The following AGPAT4 variants were observed in gnomAD, a reference collection of about 807,000 sequenced individuals.
The protein encoded by AGPAT4 is 1-acylglycerol-3-phosphate O-acyltransferase 4.
A neutral mutation model predicts 48.0 loss-of-function variants in AGPAT4; 15 were observed. The ratio of observed to expected loss-of-function variants is 0.31; its 90% CI spans 0.21 to 0.48. The LOEUF (loss-of-function observed/expected upper bound fraction) is 0.48, where lower values mean the gene tolerates loss of function less well. AGPAT4 is among the 20% of genes least tolerant of loss of function. The pLI, the probability that AGPAT4 is intolerant of heterozygous loss-of-function variation, is 0.99. For missense variants in AGPAT4, 314 were observed against 482.5 expected (o/e 0.65, Z 3.27); for synonymous variants, 178 against 198.7 (o/e 0.90, Z 0.88).
chr6:161,168,213 G>A (rs754152320), intron 2 of AGPAT4, among the ~76,000 whole-genome samples: 5 of 152,118 alleles, frequency 3.3e-5, no homozygotes, highest in South Asian at 2.1e-4. Context: ...CATGGGGCAC[G>A]AAGATGCCTG....
rs572505060 is a variant in AGPAT4, at chr6:161,269,576, T to C, written c.-90+4362A>G. Among the ~76,000 whole-genome samples, 3 of 152,098 alleles carry C rather than the reference T, an allele frequency of 2.0e-5. No homozygotes were observed. The East Asian group carries it at 5.8e-4, about 30-fold the overall frequency. On this transcript the variant is annotated intron_variant, in intron 1 of 8. Transcript: ENST00000320285. ...CAGGAGGATGCTTGAGCTTAGGAGT[T>C]AGAGGTTGCAGTGAGCCATGATGGC...
intron 3 of AGPAT4, among the ~76,000 whole-genome samples, chr6:161,162,262 G>C (rs1779956612): frequency 6.6e-6 from 1 of 152,230 alleles, no homozygotes. Flanking sequence ...CCACGCCCCT[G>C]CACACCCTAC....
In AGPAT4 at chr6:161,264,881, C is replaced by A. The variant is rs1229338595; in HGVS notation, c.-90+9057G>T. ...TCACCCAGGACTAGTTATGGGACCCCTAGAGTCCCCCAGGGCTGGGGAGCT... is the reference window on the plus strand; with the variant it reads ...TCACCCAGGACTAGTTATGGGACCCATAGAGTCCCCCAGGGCTGGGGAGCT... On this transcript the variant is annotated intron_variant, in intron 1 of 8. Transcript: ENST00000320285. This position sits in a 1 kb window ranked among gnomAD's most constrained non-coding sequence, Gnocchi z 6.8. 6.6e-6 allele frequency among the ~76,000 whole-genome samples: 1 copy of A among 152,042 alleles called. No homozygotes were observed. Among genetic ancestry groups the A allele is most frequent in the African/African-American group, 2.4e-5 (1 of 41,402 alleles).
In AGPAT4 at chr6:161,242,606, T is replaced by C. The variant is rs1428224776; in HGVS notation, c.-89-10304A>G. Among the ~76,000 whole-genome samples the C allele has an allele frequency of 6.6e-6, 1 of 152,174 alleles. No individual in the cohort carries two copies. Among genetic ancestry groups the C allele is most frequent in the Non-Finnish European group, 1.5e-5 (1 of 68,036 alleles). ...CCAACAACCGAGGGTGTATGAGCTA[T>C]TTTAAACAATGCTCAGCAGAGGCAT... On this transcript the variant is annotated intron_variant, in intron 1 of 8. Coordinates refer to ENST00000320285, the MANE Select transcript of AGPAT4 (RefSeq NM_020133.3). This position sits in a 1 kb window ranked among gnomAD's most constrained non-coding sequence, Gnocchi z 5.0.
At chr6:161,179,790 TTTC>T (rs1453137385) in intron 2 of AGPAT4, among the ~76,000 whole-genome samples, 2 of 152,228 alleles carry the variant, frequency 1.3e-5, no homozygotes, top group Non-Finnish European at 2.9e-5. Flanking sequence ...TTAATCATGT[TTTC>T]TTTTCTCTAG....
chr6:161,252,877 A>C (rs972728488), intron 1 of AGPAT4, among the ~76,000 whole-genome samples: 1 of 152,116 alleles, frequency 6.6e-6, no homozygotes, highest in African/African-American at 2.4e-5. Flanking sequence ...ACAATGAGGA[A>C]GTGTGTTTAG....
rs1012469973 is a variant in AGPAT4, at chr6:161,159,213, C to T, written c.349-4903G>A. 1.3e-5 allele frequency among the ~76,000 whole-genome samples: 2 copies of T among 152,182 alleles called. 1 individual carries two copies. Among genetic ancestry groups the T allele is most frequent in the Non-Finnish European group, 2.9e-5 (2 of 68,034 alleles). ...CACTCCAGGGTCCCCACAAGTCTCC[C>T]CATAGCACAGCCTCCATTCTGATGT... On this transcript the variant is annotated intron_variant, in intron 3 of 8. Coordinates refer to ENST00000320285, the MANE Select transcript of AGPAT4 (RefSeq NM_020133.3). This position sits in a 1 kb window ranked among gnomAD's most constrained non-coding sequence, Gnocchi z 4.1.
chr6:161,239,922 T>C (rs969642811), intron 1 of AGPAT4, among the ~76,000 whole-genome samples: 2 of 152,136 alleles, frequency 1.3e-5, no homozygotes, highest in African/African-American at 4.8e-5. Flanking sequence ...AGGACAAAAT[T>C]AACTTTCAGA....
rs142049443 is a variant in AGPAT4 at position 161,272,231 on chromosome 6, AC to A, written c.-90+1706del. ...CAGCAAACAGAACCTCACTGAAACC[AC>A]CCATTCTTCCTGCTTCCACATGGCA... On this transcript the variant is annotated intron_variant, in intron 1 of 8. Coordinates refer to ENST00000320285, the MANE Select transcript of AGPAT4 (RefSeq NM_020133.3). The surrounding 1 kb of genome is among the most constrained non-coding windows in gnomAD (Gnocchi z 4.2). 0.13 allele frequency among the ~76,000 whole-genome samples: 19,287 copies of A among 152,116 alleles called. 1,381 individuals carry two copies. Among genetic ancestry groups the A allele is most frequent in the Non-Finnish European group, 0.15 (10,132 of 67,990 alleles).
At chr6:161,179,304 T>C (rs1364429035) in intron 2 of AGPAT4, among the ~76,000 whole-genome samples, 3 of 152,162 alleles carry the variant, frequency 2.0e-5, no homozygotes, top group African/African-American at 7.2e-5. Context: ...CACCACTCTC[T>C]AAGGTTGCTG....
chr6:161,253,697 C>T (rs954825174), intron 1 of AGPAT4, among the ~76,000 whole-genome samples: 2 of 151,972 alleles, frequency 1.3e-5, no homozygotes, highest in African/African-American at 4.8e-5. Flanking sequence ...TGTTTTTATT[C>T]TTTTACTGTA....
chr6:161,159,211 C>A lies in AGPAT4; in HGVS notation c.349-4901G>T, dbSNP rs898999349. Among the ~76,000 whole-genome samples, 1 of 152,176 alleles carries A rather than the reference C, an allele frequency of 6.6e-6. No individual in the cohort carries two copies. The highest frequency in any genetic ancestry group is 1.5e-5 in the Non-Finnish European group (1 of 68,040). ...ATCACTCCAGGGTCCCCACAAGTCT[C>A]CCCATAGCACAGCCTCCATTCTGAT... On this transcript the variant is annotated intron_variant, in intron 3 of 8. Transcript: ENST00000320285. The surrounding 1 kb of genome is among the most constrained non-coding windows in gnomAD (Gnocchi z 4.1).
rs1245059847 is a variant in AGPAT4 at position 161,222,134 on chromosome 6, G to A, written c.178+9902C>T. ...CTTCCTTGTCACCCCTGGTCTCAGG[G>A]CCTCTGCCACACCCAGCCTGGAAGA... On this transcript the variant is annotated intron_variant, in intron 2 of 8. Coordinates refer to ENST00000320285, the MANE Select transcript of AGPAT4 (RefSeq NM_020133.3). This position sits in a 1 kb window ranked among gnomAD's most constrained non-coding sequence, Gnocchi z 5.9. Among the ~76,000 whole-genome samples, 1 of 152,122 alleles carries A rather than the reference G, an allele frequency of 6.6e-6. No homozygotes were observed. Among genetic ancestry groups the A allele is most frequent in the Non-Finnish European group, 1.5e-5 (1 of 68,036 alleles).
rs971612479 is a variant in AGPAT4 at position 161,270,956 on chromosome 6, G to A, written c.-90+2982C>T. Among the ~76,000 whole-genome samples, 6 of 152,164 alleles carry A rather than the reference G, an allele frequency of 3.9e-5. No individual in the cohort carries two copies. Among genetic ancestry groups the A allele is most frequent in the African/African-American group, 1.2e-4 (5 of 41,410 alleles). ...AAGATGACATTCCGGGTAAGTTCCT[G>A]GTTGCGTCTTCCCCAGTTTCATACC... is the stretch of plus-strand genomic sequence containing the variant. On this transcript the variant is annotated intron_variant, in intron 1 of 8. Transcript: ENST00000320285. The surrounding 1 kb of genome is among the most constrained non-coding windows in gnomAD (Gnocchi z 5.3).
At position 161,180,647 on chromosome 6, in the gene AGPAT4, A is replaced by G. The variant is rs1052835049; in HGVS notation, c.179-14230T>C. 1.3e-5 allele frequency among the ~76,000 whole-genome samples: 2 copies of G among 152,206 alleles called. No individual in the cohort carries two copies. Among genetic ancestry groups the G allele is most frequent in the African/African-American group, 4.8e-5 (2 of 41,448 alleles). On this transcript the variant is annotated intron_variant, in intron 2 of 8. Coordinates refer to ENST00000320285, the MANE Select transcript of AGPAT4 (RefSeq NM_020133.3). The surrounding 1 kb of genome is among the most constrained non-coding windows in gnomAD (Gnocchi z 6.4). ...AATTAAAGCCCTCATCCTCAGAAGC[A>G]TCCAAAATGCAAAAGCGAAGCTACT...
Position 161,236,208 on chromosome 6 carries a change from G to T in AGPAT4, c.-89-3906C>A, listed in dbSNP as rs758765315. On this transcript the variant is annotated intron_variant, in intron 1 of 8. Transcript: ENST00000320285. The surrounding 1 kb of genome is among the most constrained non-coding windows in gnomAD (Gnocchi z 5.0). The stretch of plus-strand genomic sequence containing the variant: ...ATGCTGTTTCTGAGCATATCAGAGC[G>T]CTACTTACAGAGTTTCTAAATCAAC... 6.6e-6 allele frequency among the ~76,000 whole-genome samples: 1 copy of T among 151,934 alleles called. No individual in the cohort carries two copies. The highest frequency in any genetic ancestry group is 1.5e-5 in the Non-Finnish European group (1 of 68,012).
At position 161,184,164 on chromosome 6, in the gene AGPAT4, A is replaced by G. The variant is rs1242328529; in HGVS notation, c.179-17747T>C. Among the ~76,000 whole-genome samples, 1 of 151,992 alleles carries G rather than the reference A, an allele frequency of 6.6e-6. No individual in the cohort carries two copies. The highest frequency in any genetic ancestry group is 1.5e-5 in the Non-Finnish European group (1 of 68,024). ...GGCTGCTGTGTGGAGAAAGAAGTGC[A>G]GCAGGTTACGGGTGGAAGGCAGGTG... On this transcript the variant is annotated intron_variant, in intron 2 of 8. Coordinates refer to ENST00000320285, the MANE Select transcript of AGPAT4 (RefSeq NM_020133.3). The surrounding 1 kb of genome is among the most constrained non-coding windows in gnomAD (Gnocchi z 4.8).
intron 1 of AGPAT4, among the ~76,000 whole-genome samples, chr6:161,250,624 C>T (rs1274719691): frequency 6.6e-6 from 1 of 151,736 alleles, no homozygotes; most frequent in East Asian, 1.9e-4. Context: ...CAATATATTC[C>T]CAGAAACAAC....
rs191009782 is a variant in AGPAT4, at chr6:161,158,920, A to G, written c.349-4610T>C. Among the ~76,000 whole-genome samples, 16 of 152,334 alleles carry G rather than the reference A, an allele frequency of 1.1e-4. No individual in the cohort carries two copies. Among genetic ancestry groups the G allele is most frequent in the Middle Eastern group, 3.4e-3 (1 of 294 alleles). ...CCTCAGGGGCTGAGGCTCTATGGCCAGCTTTGTTTGCAAACGTCCAGTCAT... is the reference window on the plus strand; with the variant it reads ...CCTCAGGGGCTGAGGCTCTATGGCCGGCTTTGTTTGCAAACGTCCAGTCAT... On this transcript the variant is annotated intron_variant, in intron 3 of 8. Coordinates refer to ENST00000320285, the MANE Select transcript of AGPAT4 (RefSeq NM_020133.3). This position sits in a 1 kb window ranked among gnomAD's most constrained non-coding sequence, Gnocchi z 5.3.
Sources: gnomAD v4.1 joint callset for allele counts (sites outside exome capture counted in the v4.1 genomes callset) on GRCh38, gnomAD v4.1.1 for gene constraint, Gnocchi (gnomAD v3.1) non-coding constraint, MANE v1.5 for transcripts, NCBI Gene and HGNC (gene_info 2026-07-23, HGNC 2026-07-21) for gene names.